The following PPP6C variants were observed in gnomAD, a reference collection of about 807,000 sequenced individuals.
PPP6C encodes serine/threonine-protein phosphatase 6 catalytic subunit.
In PPP6C, 11 loss-of-function variants were observed where a neutral mutation model predicts 39.8. The observed-to-expected ratio is 0.28, with a 90% CI of 0.17 to 0.46. The LOEUF is 0.46. Ranked by LOEUF, PPP6C falls within the 20% of genes least tolerant of loss-of-function variation. The pLI, the probability that PPP6C is intolerant of heterozygous loss-of-function variation, is 1.00. For missense variants in PPP6C, 211 were observed against 373.9 expected (o/e 0.56, Z 3.59); for synonymous variants, 129 against 130.3 (o/e 0.99, Z 0.07).
intron 2 of PPP6C, among the ~76,000 whole-genome samples, chr9:125,166,535 C>CTG (rs1829017001): frequency 7.4e-6 from 1 of 134,466 alleles, no homozygotes; most frequent in Non-Finnish European, 1.6e-5. Context: ...TTTTCTTTTT[C>CTG]TTTTTTTTTT....
intron 1 of PPP6C, chr9:125,189,014 C>T: frequency 8.2e-7 from 1 of 1,214,550 alleles, no homozygotes; most frequent in East Asian, 2.6e-5. Flanking sequence ...TTATCCACTT[C>T]AGTAAGCTCA....
intron 1 of PPP6C, among the ~76,000 whole-genome samples, chr9:125,175,163 C>T (rs889970243): frequency 6.6e-6 from 1 of 151,536 alleles, no homozygotes; most frequent in African/African-American, 2.4e-5. Context: ...GCCAAGATCA[C>T]GCCATTGCAC....
intron 6 of PPP6C, chr9:125,150,662 A>C: frequency 2.1e-6 from 2 of 965,252 alleles, no homozygotes; most frequent in Non-Finnish European, 3.1e-6. Context: ...TGAATATCAA[A>C]ATCTTCAGCG....
chr9:125,153,504 A>G (rs1836000526), intron 6 of PPP6C, 29 bp downstream of exon 6: 2 of 1,602,556 alleles, frequency 1.2e-6, no homozygotes, highest in Admixed American at 1.7e-5. Flanking sequence ...GCAATCCACA[A>G]ATTACATTTC....
intron 2 of PPP6C, among the ~76,000 whole-genome samples, chr9:125,163,588 C>A (rs1015393334): frequency 2.0e-5 from 3 of 151,228 alleles, no homozygotes; most frequent in Non-Finnish European, 4.4e-5. Flanking sequence ...GTGCCAACAG[C>A]CCCAGCTAAT....
At chr9:125,171,468 C>CAT (rs556223259) in intron 1 of PPP6C, among the ~76,000 whole-genome samples, 60 of 71,496 alleles carry the variant, frequency 8.4e-4, no homozygotes, top group Admixed American at 6.7e-3. Flanking sequence ...TATACACACA[C>CAT]ACACACACAC....
At chr9:125,177,755 T>TAATG (rs1829334389) in intron 1 of PPP6C, among the ~76,000 whole-genome samples, 1 of 152,186 alleles carries the variant, frequency 6.6e-6, no homozygotes, top group African/African-American at 2.4e-5. Context: ...GACAATTGTA[T>TAATG]AATGACATGT....
chr9:125,162,457 CAAAAA>C (rs977223135), intron 2 of PPP6C, among the ~76,000 whole-genome samples: 23 of 70,972 alleles, frequency 3.2e-4, no homozygotes, highest in African/African-American at 1.3e-3. Flanking sequence ...GATTCTGTCT[CAAAAA>C]AAAAAAAAAA....
intron 2 of PPP6C, among the ~76,000 whole-genome samples, chr9:125,164,145 A>G (rs1455173196): frequency 6.8e-6 from 1 of 147,204 alleles, no homozygotes; most frequent in African/African-American, 2.5e-5. Context: ...CCCTATTTTC[A>G]TCCTACATTA....
Position 125,149,156 on chromosome 9 carries a change from A to G in PPP6C, c.*517T>C, listed in dbSNP as rs1835877198. On this transcript the variant is annotated 3_prime_UTR_variant, in exon 7 of 7. Coordinates refer to ENST00000373547, the MANE Select transcript of PPP6C (RefSeq NM_002721.5). ...CTTTAGACCAATTTATTTTATATCC[A>G]TTTAAAATATCATCCAACAAAGGAC... 1 of 152,322 alleles carries G rather than the reference A, an allele frequency of 6.6e-6. No individual in the cohort carries two copies. Among genetic ancestry groups the G allele is most frequent in the South Asian group, 2.1e-4 (1 of 4,834 alleles). 9.4% of individuals were successfully genotyped at this position (152,322 alleles called of 1,614,324 possible). A position where few individuals can be genotyped will look rare whatever the true frequency, so the allele number is the denominator to read the frequency against.
chr9:125,162,090 C>CA lies in PPP6C; in HGVS notation c.172-1185dup, dbSNP rs200905430. 0.029 allele frequency among the ~76,000 whole-genome samples: 3,081 copies of CA among 105,576 alleles called. 167 individuals are homozygous for CA. In the East Asian group the frequency reaches 0.32, roughly 11 times the overall value. The allele number at this position is 105,576 out of a possible 152,430, so 69.3% of individuals were successfully genotyped here. Reference sequence around the variant, plus strand: ...TGTTCCATAAGTCTAAAAAGTCAGACAAAAAAAAAAAAACAACTTTAGGAA... The same window carrying CA: ...TGTTCCATAAGTCTAAAAAGTCAGACAAAAAAAAAAAAAACAACTTTAGGAA... On this transcript the variant is annotated intron_variant, in intron 2 of 6. Transcript: ENST00000373547.
chr9:125,184,561 A>T (rs1314260245), intron 1 of PPP6C, among the ~76,000 whole-genome samples: 1 of 144,432 alleles, frequency 6.9e-6, no homozygotes, highest in Non-Finnish European at 1.5e-5. Flanking sequence ...TACCTCAAAG[A>T]AAAAAAAAAA....
At chr9:125,150,070 T>C in intron 6 of PPP6C, 149 bp from the exon 7 acceptor site, 2 of 1,150,384 alleles carry the variant, frequency 1.7e-6, no homozygotes, top group South Asian at 1.8e-5. Context: ...ATTTAATAAG[T>C]TTAGGCAAAC....
chr9:125,170,693 C>T (rs1052250161), intron 2 of PPP6C, among the ~76,000 whole-genome samples: 13 of 152,164 alleles, frequency 8.5e-5, no homozygotes, highest in Middle Eastern at 3.4e-3. Context: ...GATAAATTTT[C>T]AACAATATAT....
At chr9:125,189,161 C>G (rs1331658904) in intron 1 of PPP6C, among the ~76,000 whole-genome samples, 1 of 152,222 alleles carries the variant, frequency 6.6e-6, no homozygotes, top group African/African-American at 2.4e-5. Flanking sequence ...GGCCCACCGC[C>G]TTCCCCTTCC....
At position 125,147,068 on chromosome 9, in the gene PPP6C, CAT is replaced by C. The variant is rs1383216138; in HGVS notation, c.*2603_*2604del. 6.6e-6 allele frequency: 1 copy of C among 152,186 alleles called. No individual in the cohort carries two copies. Among genetic ancestry groups the C allele is most frequent in the African/African-American group, 2.4e-5 (1 of 41,448 alleles). 9.4% of individuals were successfully genotyped at this position (152,186 alleles called of 1,614,324 possible). On this transcript the variant is annotated 3_prime_UTR_variant, in exon 7 of 7. Coordinates refer to ENST00000373547, the MANE Select transcript of PPP6C (RefSeq NM_002721.5). Reference sequence around the variant, plus strand: ...ACAGAATAGGAGCTGATGCAGATTGCATATGAGATGTACTGTTGATCCAGGTG... The same window carrying C: ...ACAGAATAGGAGCTGATGCAGATTGCATGAGATGTACTGTTGATCCAGGTG...
At chr9:125,168,744 A>G (rs982361336) in intron 2 of PPP6C, among the ~76,000 whole-genome samples, 3 of 150,050 alleles carry the variant, frequency 2.0e-5, no homozygotes, top group African/African-American at 7.3e-5. Flanking sequence ...GGCATGAGCC[A>G]CCACACCCGG....
At chr9:125,151,027 C>A in intron 6 of PPP6C, 1 of 1,371,758 alleles carries the variant, frequency 7.3e-7, no homozygotes, top group Non-Finnish European at 1.0e-6. Context: ...CACCATGGAC[C>A]TACATGCTTC....
chr9:125,174,242 A>G (rs1478939161), intron 1 of PPP6C, among the ~76,000 whole-genome samples: 2 of 152,244 alleles, frequency 1.3e-5, no homozygotes, highest in African/African-American at 4.8e-5. Flanking sequence ...TCTCATTAAT[A>G]TATGAGAAAC....
Sources: gnomAD v4.1 joint callset for allele counts (sites outside exome capture counted in the v4.1 genomes callset) on GRCh38, gnomAD v4.1.1 for gene constraint, MANE v1.5 for transcripts, NCBI Gene and HGNC (gene_info 2026-07-23, HGNC 2026-07-21) for gene names.